NDST4: variants seen among roughly 807,000 people sequenced by gnomAD.
NDST4 encodes the protein N-deacetylase and N-sulfotransferase 4.
NDST4 carries 63 observed loss-of-function variants against 100.8 expected under a neutral mutation model. That is an observed-to-expected ratio of 0.62 (90% CI 0.51 to 0.77). NDST4 has a LOEUF of 0.77. Ranked by LOEUF, NDST4 falls within the 30% of genes least tolerant of loss-of-function variation. The pLI is 0.00. For synonymous variants in NDST4, 377 were observed against 361.8 expected (o/e 1.04, Z -0.48); for missense variants, 943 against 1,018.4 (o/e 0.93, Z 1.01).
chr4:114,901,734 T>C (rs1019066728), intron 6 of NDST4, among the ~76,000 whole-genome samples: 2 of 151,924 alleles, frequency 1.3e-5, no homozygotes, highest in Non-Finnish European at 2.9e-5. Context: ...TTTTTTGCCT[T>C]TTCTGGTTTT....
At chr4:115,019,464 T>C (rs926093732) in intron 2 of NDST4, among the ~76,000 whole-genome samples, 1 of 152,084 alleles carries the variant, frequency 6.6e-6, no homozygotes, top group Non-Finnish European at 1.5e-5. Context: ...TGATTAGACT[T>C]GCCATAAGGA....
chr4:115,038,309 G>A (rs1355959966), intron 2 of NDST4, among the ~76,000 whole-genome samples: 1 of 152,044 alleles, frequency 6.6e-6, no homozygotes, highest in Non-Finnish European at 1.5e-5. Flanking sequence ...AATTAGATTT[G>A]TTCTTAACTT....
intron 2 of NDST4, among the ~76,000 whole-genome samples, chr4:114,990,015 T>G (rs747396823): frequency 3.9e-5 from 6 of 152,258 alleles, no homozygotes; most frequent in Non-Finnish European, 7.4e-5. Flanking sequence ...ATCTATGACA[T>G]TTTTGACACT....
chr4:114,949,900 G>A (rs928006981), intron 4 of NDST4, among the ~76,000 whole-genome samples: 5 of 151,996 alleles, frequency 3.3e-5, no homozygotes, highest in African/African-American at 1.2e-4. Flanking sequence ...GACATCTGTA[G>A]CCTGAAACGA....
intron 6 of NDST4, among the ~76,000 whole-genome samples, chr4:114,899,027 G>T (rs373821601): frequency 6.6e-6 from 1 of 151,758 alleles, no homozygotes; most frequent in Non-Finnish European, 1.5e-5. Flanking sequence ...TTTCTTTGTC[G>T]TATTGGCTGA....
At chr4:114,869,071 T>C (rs984014665) in intron 7 of NDST4, among the ~76,000 whole-genome samples, 1 of 151,418 alleles carries the variant, frequency 6.6e-6, no homozygotes, top group African/African-American at 2.4e-5. Flanking sequence ...GTATTCTATA[T>C]TTAACAAACA....
chr4:114,870,935 T>C lies in NDST4; in HGVS notation c.1552A>G (p.Thr518Ala). The C allele has an allele frequency of 1.2e-6, 2 of 1,601,804 alleles. No individual in the cohort carries two copies. Among genetic ancestry groups the C allele is most frequent in the Non-Finnish European group, 1.7e-6 (2 of 1,175,394 alleles). The stretch of plus-strand genomic sequence containing the variant: ...TCATTTCCATAGTTTGATAAATGGG[T>C]CATGAAAATGCTGATCTGAAAGATA... ...ILLNPISIFM[T>A]HLSNYGNDRL... The change falls in exon 7 of 14, where the codon ACC (threonine) becomes GCC (alanine). Residue 518 changes from threonine to alanine, a missense_variant. By Grantham distance (58) the Thr-to-Ala change is moderately conservative (BLOSUM62 0). Around this residue, in one of 2 missense-constraint regions of NDST4, gnomAD observed 526 missense variants for 634.1 expected, o/e 0.83. Coordinates refer to ENST00000264363, the MANE Select transcript of NDST4 (RefSeq NM_022569.3).
At chr4:114,973,889 G>A (rs1726570682) in intron 3 of NDST4, among the ~76,000 whole-genome samples, 1 of 151,436 alleles carries the variant, frequency 6.6e-6, no homozygotes. Flanking sequence ...CCATATATGT[G>A]GGGATAGAAT....
intron 4 of NDST4, among the ~76,000 whole-genome samples, chr4:114,941,325 T>G (rs914051408): frequency 6.6e-6 from 1 of 152,144 alleles, no homozygotes; most frequent in African/African-American, 2.4e-5. Context: ...AAGTTGCTTC[T>G]ACTGTGACCC....
At chr4:114,846,018 T>A (rs1723542238) in intron 9 of NDST4, 21 bp from the exon 10 acceptor site, 1 of 1,530,680 alleles carries the variant, frequency 6.5e-7, no homozygotes, top group Non-Finnish European at 8.9e-7. Flanking sequence ...AGAAAGACAA[T>A]TAATTAATCT....
chr4:114,858,770 A>G (rs1267962712), intron 7 of NDST4, among the ~76,000 whole-genome samples: 2 of 152,134 alleles, frequency 1.3e-5, no homozygotes, highest in Non-Finnish European at 2.9e-5. Context: ...CATAACTTTA[A>G]GGTTGGTGGA....
chr4:114,875,462 A>G (rs1303138430), intron 6 of NDST4, among the ~76,000 whole-genome samples: 1 of 152,218 alleles, frequency 6.6e-6, no homozygotes, highest in African/African-American at 2.4e-5. Context: ...CTGTTTAATG[A>G]TGTATCTAAA....
At position 114,867,322 on chromosome 4, in the gene NDST4, C is replaced by T. The variant is rs111642180; in HGVS notation, c.1719+3446G>A. ...TCATTTCTAAACTGGGGCTGGATGT[C>T]TTGACAGCTGGAATCAGCAAAGGGA... On this transcript the variant is annotated intron_variant, in intron 7 of 13. Transcript: ENST00000264363. 2.0e-4 allele frequency among the ~76,000 whole-genome samples: 30 copies of T among 152,224 alleles called. 1 individual carries two copies. The highest frequency in any genetic ancestry group is 3.5e-4 in the Non-Finnish European group (24 of 68,012).
chr4:115,063,319 A>C (rs1322881998), intron 2 of NDST4, among the ~76,000 whole-genome samples: 2 of 151,976 alleles, frequency 1.3e-5, no homozygotes, highest in South Asian at 2.1e-4. Flanking sequence ...CTCAGAGTAC[A>C]CATGAATAAT....
intron 2 of NDST4, among the ~76,000 whole-genome samples, chr4:115,013,685 C>T (rs1395858037): frequency 6.6e-6 from 1 of 151,704 alleles, no homozygotes; most frequent in Non-Finnish European, 1.5e-5. Flanking sequence ...CTGAACTCAT[C>T]CTGTGTTTAT....
At chr4:114,908,913 T>A (rs1045796519) in intron 6 of NDST4, among the ~76,000 whole-genome samples, 1 of 152,168 alleles carries the variant, frequency 6.6e-6, no homozygotes, top group Non-Finnish European at 1.5e-5. Flanking sequence ...TATTTAGAAT[T>A]TGTTTAATTA....
intron 2 of NDST4, among the ~76,000 whole-genome samples, chr4:114,997,946 G>T (rs1214154271): frequency 6.6e-6 from 1 of 151,998 alleles, no homozygotes; most frequent in Non-Finnish European, 1.5e-5. Flanking sequence ...GAAATGACAG[G>T]CTATGTTGAA....
intron 2 of NDST4, among the ~76,000 whole-genome samples, chr4:114,989,001 CA>C (rs1292460401): frequency 6.6e-6 from 1 of 152,090 alleles, no homozygotes; most frequent in African/African-American, 2.4e-5. Context: ...CTCCCTCTGA[CA>C]AAAACTTAAG....
At chr4:114,916,635 T>G (rs1412205912) in intron 6 of NDST4, among the ~76,000 whole-genome samples, 1 of 148,878 alleles carries the variant, frequency 6.7e-6, no homozygotes, top group Non-Finnish European at 1.5e-5. Flanking sequence ...CTTTCTGTGT[T>G]TTTATGCTTT....
Sources: gnomAD v4.1 joint callset for allele counts (sites outside exome capture counted in the v4.1 genomes callset) on GRCh38, gnomAD v4.1.1 for gene constraint, gnomAD v4.1.1 regional missense constraint, MANE v1.5 for transcripts, NCBI Gene and HGNC (gene_info 2026-07-23, HGNC 2026-07-21) for gene names.